Variants in XIRP2 observed in about 807,000 individuals in gnomAD.
XIRP2 encodes xin actin-binding repeat-containing protein 2.
A neutral mutation model predicts 277.0 loss-of-function variants in XIRP2; 236 were observed. The observed-to-expected ratio is 0.85, with a 90% CI of 0.77 to 0.95. XIRP2 has a LOEUF of 0.95. Among genes scored for constraint, XIRP2 ranks in the 40% least tolerant of loss-of-function variants. The probability of loss-of-function intolerance (pLI) is 0.00; values close to 1 mark genes in which losing one functional copy is unlikely to be tolerated. For missense variants in XIRP2, 4,640 were observed against 4,157.5 expected, an observed-to-expected ratio of 1.12 and a Z score of -3.19; for synonymous variants, 1,490 against 1,416.5, an observed-to-expected ratio of 1.05 and a Z score of -1.17.
chr2:166,995,158 G>A (rs947766669), intron 2 of XIRP2, among the ~76,000 whole-genome samples: 2 of 152,138 alleles, frequency 1.3e-5, no homozygotes, highest in East Asian at 1.9e-4. Context: ...GGGATTACAC[G>A]TGTGAGCAGC....
At chr2:167,105,161 AC>A (rs1481907984) in intron 2 of XIRP2, among the ~76,000 whole-genome samples, 1 of 151,962 alleles carries the variant, frequency 6.6e-6, no homozygotes, top group African/African-American at 2.4e-5. Context: ...GATCCCATGC[AC>A]CCTTTATTCA....
At chr2:167,230,829 G>C (rs1374270549) in intron 5 of XIRP2, among the ~76,000 whole-genome samples, 1 of 151,944 alleles carries the variant, frequency 6.6e-6, no homozygotes. Context: ...CTCCTTCAGT[G>C]CTCCCTCAGC....
chr2:166,963,397 C>T (rs953953521), intron 2 of XIRP2, among the ~76,000 whole-genome samples: 4 of 151,650 alleles, frequency 2.6e-5, no homozygotes, highest in Admixed American at 2.6e-4. Context: ...CAGAGTTACA[C>T]GTTCAGAGAA....
chr2:167,167,288 C>T (rs557114880), intron 3 of XIRP2, among the ~76,000 whole-genome samples: 7 of 151,934 alleles, frequency 4.6e-5, no homozygotes, highest in Admixed American at 1.3e-4. Context: ...TCTACTCTGA[C>T]GATCTCTGTA....
intron 3 of XIRP2, among the ~76,000 whole-genome samples, chr2:167,176,510 T>C (rs1692851604): frequency 6.6e-6 from 1 of 152,218 alleles, no homozygotes; most frequent in African/African-American, 2.4e-5. Flanking sequence ...ATCTAAGCCA[T>C]CTTTGCCTCC....
At chr2:167,146,280 A>G (rs1238793528) in intron 3 of XIRP2, among the ~76,000 whole-genome samples, 1 of 152,070 alleles carries the variant, frequency 6.6e-6, no homozygotes, top group Non-Finnish European at 1.5e-5. Flanking sequence ...CAGGTGGATC[A>G]CTTGAGGTCA....
rs564920283 is a variant in XIRP2 at position 166,949,156 on chromosome 2, T to C, written c.408+45266T>C. On this transcript the variant is annotated intron_variant, in intron 2 of 10. Transcript: ENST00000409195. ...CATGAGCAACTGGTCCAGCATCATA[T>C]TGATAAATCAAGAATTATCATTTTG... is the stretch of plus-strand genomic sequence containing the variant. Among the ~76,000 whole-genome samples, 8 of 152,192 alleles carry C rather than the reference T, an allele frequency of 5.3e-5. No homozygotes were observed. In the South Asian group the frequency reaches 1.2e-3, roughly 24 times the overall value.
chr2:167,019,242 C>T (rs1558949713), intron 2 of XIRP2, among the ~76,000 whole-genome samples: 1 of 151,750 alleles, frequency 6.6e-6, no homozygotes, highest in African/African-American at 2.4e-5. Flanking sequence ...TCGTTCAGTC[C>T]CTGCTGTTAT....
chr2:166,952,133 A>T (rs1553473103), intron 2 of XIRP2, among the ~76,000 whole-genome samples: 5 of 151,952 alleles, frequency 3.3e-5, no homozygotes, highest in Non-Finnish European at 7.4e-5. Context: ...CTGTGTAACA[A>T]CCCACCCCAA....
intron 2 of XIRP2, among the ~76,000 whole-genome samples, chr2:167,129,119 A>G (rs1356841044): frequency 6.6e-6 from 1 of 152,198 alleles, no homozygotes; most frequent in Non-Finnish European, 1.5e-5. Context: ...ACAGTAACAC[A>G]GCAGAATTCA....
chr2:167,139,789 C>A (rs552466986), intron 3 of XIRP2, among the ~76,000 whole-genome samples: 5 of 152,076 alleles, frequency 3.3e-5, no homozygotes, highest in Admixed American at 6.6e-5. Context: ...TATATCTGTG[C>A]GGTCCAATAT....
Position 167,245,086 on chromosome 2 carries a change from CA to C in XIRP2, c.3695del (p.Gln1232ArgfsTer6). ...KIKTLKTEDI[Q>X]KGNVLNCRWL... ...CAAAACCTTAAAAACTGAAGATATT[CA>C]GAAAGGCAATGTTTTAAATTGTAGG... On this transcript the variant is annotated frameshift_variant, in exon 9 of 11. Coordinates refer to ENST00000409195, the MANE Select transcript of XIRP2 (RefSeq NM_152381.6). LOFTEE classifies it high-confidence loss of function. 6.2e-7 allele frequency: 1 copy of C among 1,609,908 alleles called. No individual in the cohort carries two copies. The highest frequency in any genetic ancestry group is 8.5e-7 in the Non-Finnish European group (1 of 1,178,844).
intron 2 of XIRP2, among the ~76,000 whole-genome samples, chr2:167,084,837 TC>T (rs1440121438): frequency 6.6e-6 from 1 of 151,496 alleles, no homozygotes; most frequent in African/African-American, 2.4e-5. Flanking sequence ...TCTCTTTTTT[TC>T]TTTATTAGTC....
In XIRP2 at chr2:167,246,439, G is replaced by A. The variant is rs1695266958; in HGVS notation, c.5047G>A (p.Glu1683Lys). 3 of 1,613,672 alleles carry A rather than the reference G, an allele frequency of 1.9e-6. No homozygotes were observed. The highest frequency in any genetic ancestry group is 2.5e-6 in the Non-Finnish European group (3 of 1,179,770). The change falls in exon 9 of 11, where the codon GAA (glutamate) becomes AAA (lysine). Residue 1683 changes from glutamate (E) to lysine (K), a missense_variant. By Grantham distance (56) the Glu-to-Lys change is moderately conservative. Coordinates refer to ENST00000409195, the MANE Select transcript of XIRP2 (RefSeq NM_152381.6). ...VKKGILIQED[E>K]KGDINMTIYC... is the part of the protein sequence containing the mutation. ...GAAAGGCATCTTAATTCAGGAAGATGAAAAAGGAGATATTAACATGACTAT... is the reference window on the plus strand; with the variant it reads ...GAAAGGCATCTTAATTCAGGAAGATAAAAAAGGAGATATTAACATGACTAT...
intron 2 of XIRP2, among the ~76,000 whole-genome samples, chr2:167,091,369 C>T (rs1191837269): frequency 6.6e-6 from 1 of 152,126 alleles, no homozygotes; most frequent in African/African-American, 2.4e-5. Flanking sequence ...ATGCACTTAT[C>T]CGTATTTTGC....
chr2:167,093,124 T>C (rs1236254918), intron 2 of XIRP2, among the ~76,000 whole-genome samples: 1 of 152,036 alleles, frequency 6.6e-6, no homozygotes, highest in Non-Finnish European at 1.5e-5. Context: ...TAATGTCAAA[T>C]ATATTTTTGA....
chr2:166,941,391 C>T (rs917338555), intron 2 of XIRP2, among the ~76,000 whole-genome samples: 7 of 152,212 alleles, frequency 4.6e-5, no homozygotes, highest in African/African-American at 1.7e-4. Flanking sequence ...CCTTGCACTT[C>T]CCAGGTAAGG....
At chr2:167,209,867 C>A (rs182540114) in intron 3 of XIRP2, among the ~76,000 whole-genome samples, 1 of 152,030 alleles carries the variant, frequency 6.6e-6, no homozygotes, top group African/African-American at 2.4e-5. Context: ...TTCAGGCATA[C>A]GTTTTCTTCT....
intron 2 of XIRP2, among the ~76,000 whole-genome samples, chr2:167,008,931 A>G (rs908749788): frequency 6.6e-6 from 1 of 151,492 alleles, no homozygotes; most frequent in East Asian, 1.9e-4. Flanking sequence ...CCTAATTTAG[A>G]ATTTTATTCA....
Sources: gnomAD v4.1 joint callset for allele counts (sites outside exome capture counted in the v4.1 genomes callset) on GRCh38, gnomAD v4.1.1 for gene constraint, MANE v1.5 for transcripts, NCBI Gene and HGNC (gene_info 2026-07-23, HGNC 2026-07-21) for gene names.